HIBCH: variants seen among roughly 807,000 people sequenced by gnomAD.
The protein encoded by HIBCH is 3-hydroxyisobutyryl-CoA hydrolase, also known as 3-hydroxyisobutyryl-CoA hydrolase, mitochondrial.
Under a neutral mutation model 58.2 loss-of-function variants are expected in HIBCH, and 50 were observed. The ratio of observed to expected loss-of-function variants is 0.86; its 90% CI spans 0.68 to 1.09. The LOEUF is 1.09. Ranked by LOEUF, HIBCH falls within the 50% of genes least tolerant of loss-of-function variation. The pLI, the probability that HIBCH is intolerant of heterozygous loss-of-function variation, is 0.00. For missense variants in HIBCH, 450 were observed against 449.7 expected (o/e 1.00, Z -0.01); for synonymous variants, 151 against 146.9 (o/e 1.03, Z -0.20).
chr2:190,274,691 G>A (rs1188125452), intron 6 of HIBCH, among the ~76,000 whole-genome samples: 2 of 152,120 alleles, frequency 1.3e-5, no homozygotes, highest in East Asian at 3.8e-4. Context: ...TATCCAGGGA[G>A]AAATAAAAAC....
intron 6 of HIBCH, among the ~76,000 whole-genome samples, chr2:190,274,249 A>G (rs1687486407): frequency 6.6e-6 from 1 of 152,252 alleles, no homozygotes; most frequent in Non-Finnish European, 1.5e-5. Flanking sequence ...GAAAAAAGGT[A>G]CCCATTATGT....
In HIBCH at chr2:190,243,455, C is replaced by T. The variant is rs1215452968; in HGVS notation, c.891+1432G>A. 6.6e-6 allele frequency among the ~76,000 whole-genome samples: 1 copy of T among 152,058 alleles called. No homozygotes were observed. The highest frequency in any genetic ancestry group is 1.5e-5 in the Non-Finnish European group (1 of 68,020). ...TATTAGTTCTTTCCCTCTAGAGAACCCTGATACACCAACTTAAAGTCGGAT... is the reference window on the plus strand; with the variant it reads ...TATTAGTTCTTTCCCTCTAGAGAACTCTGATACACCAACTTAAAGTCGGAT... On this transcript the variant is annotated intron_variant, in intron 11 of 13. Coordinates refer to ENST00000359678, the MANE Select transcript of HIBCH (RefSeq NM_014362.4). This position sits in a 1 kb window ranked among gnomAD's most constrained non-coding sequence, Gnocchi z 4.1.
chr2:190,297,024 C>T, intron 2 of HIBCH, 71 bp from the exon 3 acceptor site: 1 of 1,394,176 alleles, frequency 7.2e-7, no homozygotes, highest in Non-Finnish European at 1.0e-6. Flanking sequence ...TCAAAACATA[C>T]ATATCAAATG....
intron 11 of HIBCH, among the ~76,000 whole-genome samples, chr2:190,234,340 G>A (rs953494370): frequency 7.9e-5 from 12 of 152,314 alleles, no homozygotes; most frequent in African/African-American, 2.4e-4. Context: ...GTGTGTCTAT[G>A]TTATCACAAG....
chr2:190,226,961 C>T (rs1290202447), intron 11 of HIBCH, among the ~76,000 whole-genome samples: 1 of 152,192 alleles, frequency 6.6e-6, no homozygotes, highest in Admixed American at 6.5e-5. Context: ...ATTCCATGCT[C>T]ATGGATGGGA....
At chr2:190,224,294 C>T (rs929073477) in intron 11 of HIBCH, among the ~76,000 whole-genome samples, 6 of 152,112 alleles carry the variant, frequency 3.9e-5, no homozygotes, top group South Asian at 2.1e-4. Context: ...AGATCAAGGA[C>T]GCCTGCCTGC....
intron 7 of HIBCH, among the ~76,000 whole-genome samples, chr2:190,252,942 A>T (rs1575726775): frequency 6.6e-6 from 1 of 152,168 alleles, no homozygotes; most frequent in African/African-American, 2.4e-5. Flanking sequence ...TAATCTCAGC[A>T]CTTTGGGAGG....
rs1177058221 is a variant in HIBCH, at chr2:190,194,475, TATACACACACACAC to T, written c.*18-4492_*18-4479del. Among the ~76,000 whole-genome samples the T allele has an allele frequency of 4.1e-3, 518 of 126,904 alleles. 1 individual carries two copies. Among genetic ancestry groups the T allele is most frequent in the African/African-American group, 0.016 (489 of 29,666 alleles). 83.3% of individuals were successfully genotyped at this position (126,904 alleles called of 152,430 possible). On this transcript the variant is annotated intron_variant, in intron 1 of 1. Transcript: ENST00000399855. The stretch of plus-strand genomic sequence containing the variant: ...AAGTAGTGTTCCCACGTATCCTGTG[TATACACACACACAC>T]ACACACACACACACACACACACACA...
rs1687637521 is a variant in HIBCH, at chr2:190,279,110, C to G, written c.438+8476G>C. On this transcript the variant is annotated intron_variant, in intron 6 of 13. Coordinates refer to ENST00000359678, the MANE Select transcript of HIBCH (RefSeq NM_014362.4). The surrounding 1 kb of genome is among the most constrained non-coding windows in gnomAD (Gnocchi z 4.2). ...GCTGGTGGGGACTCTCTGCAGAGCC[C>G]TGATCTGGTGAAGGGGCAAGAGCAT... Among the ~76,000 whole-genome samples, 1 of 152,172 alleles carries G rather than the reference C, an allele frequency of 6.6e-6. No homozygotes were observed. The highest frequency in any genetic ancestry group is 1.5e-5 in the Non-Finnish European group (1 of 68,026).
intron 2 of HIBCH, among the ~76,000 whole-genome samples, chr2:190,298,320 G>C (rs912034216): frequency 6.6e-6 from 1 of 152,148 alleles, no homozygotes; most frequent in Non-Finnish European, 1.5e-5. Flanking sequence ...AGATCCTTGA[G>C]GAATCGCCAC....
Position 190,215,581 on chromosome 2 carries a change from G to T in HIBCH, c.892-2506C>A, listed in dbSNP as rs1264218105. The T allele has an allele frequency of 6.6e-6, 1 of 152,136 alleles. No individual in the cohort carries two copies. Among genetic ancestry groups the T allele is most frequent in the African/African-American group, 2.4e-5 (1 of 41,418 alleles). 9.4% of individuals were successfully genotyped at this position (152,136 alleles called of 1,614,324 possible). A position where few individuals can be genotyped will look rare whatever the true frequency, so the allele number is the denominator to read the frequency against. Reference sequence around the variant, plus strand: ...AGGTTAATTTTCTGACTAAAAGCTGGCCTGATATTACTAAGAAACTGCAAA... The same window carrying T: ...AGGTTAATTTTCTGACTAAAAGCTGTCCTGATATTACTAAGAAACTGCAAA... On this transcript the variant is annotated intron_variant, in intron 11 of 13. Transcript: ENST00000359678. This position sits in a 1 kb window ranked among gnomAD's most constrained non-coding sequence, Gnocchi z 4.4.
chr2:190,267,800 T>C (rs1237007579), intron 6 of HIBCH, among the ~76,000 whole-genome samples: 3 of 149,610 alleles, frequency 2.0e-5, no homozygotes, highest in Admixed American at 6.8e-5. Context: ...AATGGAAATT[T>C]AGGGCTTGCC....
In HIBCH at chr2:190,209,631, C is replaced by A. The variant is rs1376838046; in HGVS notation, c.1012-718G>T. On this transcript the variant is annotated intron_variant, in intron 12 of 13. Transcript: ENST00000359678. This position sits in a 1 kb window ranked among gnomAD's most constrained non-coding sequence, Gnocchi z 5.6. Reference sequence around the variant, plus strand: ...AACACCTGCAGGCAACTGTGGCCATCTGCACCTGCCTTCTCTTTCAATGCC... The same window carrying A: ...AACACCTGCAGGCAACTGTGGCCATATGCACCTGCCTTCTCTTTCAATGCC... 1.3e-5 allele frequency among the ~76,000 whole-genome samples: 2 copies of A among 152,222 alleles called. No individual in the cohort carries two copies. The highest frequency in any genetic ancestry group is 2.9e-5 in the Non-Finnish European group (2 of 68,042).
downstream of HIBCH, among the ~76,000 whole-genome samples, chr2:190,198,970 C>T (rs532576025): frequency 1.3e-5 from 2 of 152,322 alleles, no homozygotes; most frequent in South Asian, 4.1e-4. Context: ...TTAATCTGAG[C>T]TTCTGTACAA....
intron 6 of HIBCH, among the ~76,000 whole-genome samples, chr2:190,285,839 A>T (rs1687815172): frequency 6.6e-6 from 1 of 151,860 alleles, no homozygotes; most frequent in African/African-American, 2.4e-5. Flanking sequence ...TTCTGAAAGT[A>T]TGTCTTTTTG....
At chr2:190,294,652 TG>T (rs1207951258) in intron 3 of HIBCH, 22 bp from the exon 4 acceptor site, 1 of 1,493,376 alleles carries the variant, frequency 6.7e-7, no homozygotes, top group Non-Finnish European at 9.3e-7. Flanking sequence ...TAACAGAAGA[TG>T]GTATAAGCAT....
At chr2:190,264,564 A>G (rs960494634) in intron 6 of HIBCH, among the ~76,000 whole-genome samples, 13 of 152,182 alleles carry the variant, frequency 8.5e-5, no homozygotes, top group African/African-American at 3.1e-4. Context: ...ATATATTACT[A>G]TCTTACTTCT....
At position 190,204,099 on chromosome 2, in the gene HIBCH, T is replaced by G. The variant is rs1456343585; in HGVS notation, c.*1018A>C. The G allele has an allele frequency of 6.6e-6, 1 of 152,158 alleles. No individual in the cohort carries two copies. Among genetic ancestry groups the G allele is most frequent in the Non-Finnish European group, 1.5e-5 (1 of 67,966 alleles). 9.4% of individuals were successfully genotyped at this position (152,158 alleles called of 1,614,324 possible). A position where few individuals can be genotyped will look rare whatever the true frequency, so the allele number is the denominator to read the frequency against. ...AACTTACCTTTAGTTTAAAAATTAT[T>G]CTTGCCTAGAACTTTAAGGTTCTGA... On this transcript the variant is annotated 3_prime_UTR_variant, in exon 14 of 14. Coordinates refer to ENST00000359678, the MANE Select transcript of HIBCH (RefSeq NM_014362.4).
intron 11 of HIBCH, among the ~76,000 whole-genome samples, chr2:190,228,547 A>AT (rs202129076): frequency 2.6e-4 from 35 of 134,530 alleles, no homozygotes; most frequent in East Asian, 1.5e-3. Flanking sequence ...TTAAAGTATA[A>AT]TTAAAAAAAA....
Sources: allele counts gnomAD v4.1 joint callset (sites outside exome capture counted in the v4.1 genomes callset), GRCh38; gene constraint gnomAD v4.1.1; non-coding constraint Gnocchi (gnomAD v3.1); transcripts MANE v1.5; gene names NCBI Gene and HGNC (gene_info 2026-07-23, HGNC 2026-07-21).